The following FAT3 variants were observed in gnomAD, a reference collection of about 807,000 sequenced individuals.
FAT3 encodes protocadherin Fat 3.
A neutral mutation model predicts 310.2 loss-of-function variants in FAT3; 95 were observed. The observed-to-expected ratio is 0.31, with a 90% CI of 0.26 to 0.36. The LOEUF is 0.36. FAT3 is among the 10% of genes least tolerant of loss of function. The pLI, the probability that FAT3 is intolerant of heterozygous loss-of-function variation, is 1.00. For synonymous variants in FAT3, 2,314 were observed against 2,192.9 expected (o/e 1.06, Z -1.54); for missense variants, 5,408 against 5,715.6 (o/e 0.95, Z 1.74).
chr11:92,329,076 A>AGTGTGTAATC (rs1452247699), intron 1 of FAT3, among the ~76,000 whole-genome samples: 1 of 150,144 alleles, frequency 6.7e-6, no homozygotes, highest in Non-Finnish European at 1.5e-5. Context: ...TTTATTTTTG[A>AGTGTGTAATC]GTGTGTAATC....
chr11:92,293,275 C>T (rs140616372), intron 1 of FAT3, among the ~76,000 whole-genome samples: 3 of 151,546 alleles, frequency 2.0e-5, no homozygotes, highest in African/African-American at 7.2e-5. Flanking sequence ...ACTCCAAGTG[C>T]TACTCTCTTA....
At chr11:92,424,582 T>C (rs1309260893) in intron 2 of FAT3, among the ~76,000 whole-genome samples, 1 of 152,148 alleles carries the variant, frequency 6.6e-6, no homozygotes, top group East Asian at 1.9e-4. Flanking sequence ...AGTCTAGTAG[T>C]AGACTGCAAT....
intron 3 of FAT3, among the ~76,000 whole-genome samples, chr11:92,553,599 G>A (rs1478268490): frequency 6.6e-6 from 1 of 152,132 alleles, no homozygotes; most frequent in Non-Finnish European, 1.5e-5. Context: ...TTGGGCCCTT[G>A]GCCACACTGG....
chr11:92,840,875 G>A lies in FAT3; in HGVS notation c.10566+116G>A, dbSNP rs933940852. ...AGTCAACATAATTCATTACCATGCG[G>A]GAATGTTCCCCCTTTTAATCTCAAA... On this transcript the variant is annotated intron_variant, in intron 18 of 27. Coordinates refer to ENST00000525166, the MANE Select transcript of FAT3 (RefSeq NM_001367949.2). 11 of 974,990 alleles carry A rather than the reference G, an allele frequency of 1.1e-5. No homozygotes were observed. The Middle Eastern group carries it at 1.4e-3, about 126-fold the overall frequency. The allele number at this position is 974,990 out of a possible 1,614,324, so 60.4% of individuals were successfully genotyped here.
chr11:92,623,095 T>C (rs901081006), intron 3 of FAT3, among the ~76,000 whole-genome samples: 11 of 152,238 alleles, frequency 7.2e-5, no homozygotes, highest in South Asian at 2.1e-4. Flanking sequence ...CGTTCATCTC[T>C]GATGTTGTCT....
At chr11:92,833,807 A>G (rs1440203009) in intron 14 of FAT3, among the ~76,000 whole-genome samples, 1 of 152,182 alleles carries the variant, frequency 6.6e-6, no homozygotes, top group Non-Finnish European at 1.5e-5. Flanking sequence ...TATAAACACC[A>G]TGGGGAAATG....
In FAT3 at chr11:92,377,089, G is replaced by C. The variant is rs573432649; in HGVS notation, c.3292+21685G>C. The stretch of plus-strand genomic sequence containing the variant: ...AGGTATAAATTTTCAGACCTGTACA[G>C]TCTGTACGTGTAAGACTAGGAAGAA... On this transcript the variant is annotated intron_variant, in intron 2 of 27. Transcript: ENST00000525166. Among the ~76,000 whole-genome samples the C allele has an allele frequency of 6.6e-5, 10 of 152,304 alleles. No homozygotes were observed. In the East Asian group the frequency reaches 1.4e-3, roughly 21 times the overall value.
At chr11:92,622,514 G>C (rs888350181) in intron 3 of FAT3, among the ~76,000 whole-genome samples, 8 of 152,172 alleles carry the variant, frequency 5.3e-5, no homozygotes, top group African/African-American at 1.9e-4. Flanking sequence ...AGATTTGATT[G>C]TGAATCCATC....
At chr11:92,582,338 C>T (rs1938853692) in intron 3 of FAT3, among the ~76,000 whole-genome samples, 1 of 151,908 alleles carries the variant, frequency 6.6e-6, no homozygotes, top group African/African-American at 2.4e-5. Context: ...TTACCCAGCT[C>T]CTATTCAAGA....
At chr11:92,340,733 G>A (rs1345132691) in intron 1 of FAT3, among the ~76,000 whole-genome samples, 1 of 152,190 alleles carries the variant, frequency 6.6e-6, no homozygotes, top group Non-Finnish European at 1.5e-5. Context: ...GTAGTCCCAT[G>A]TGGTGATTGA....
At chr11:92,408,374 T>C (rs572239635) in intron 2 of FAT3, among the ~76,000 whole-genome samples, 2 of 152,270 alleles carry the variant, frequency 1.3e-5, no homozygotes, top group East Asian at 1.9e-4. Context: ...ATTTGGTCCA[T>C]AGCAGGGGGA....
intron 3 of FAT3, among the ~76,000 whole-genome samples, chr11:92,671,217 G>A (rs985821291): frequency 2.6e-5 from 4 of 151,718 alleles, no homozygotes; most frequent in Non-Finnish European, 4.4e-5. Context: ...GCTAATTTTC[G>A]TATTTTTAGT....
intron 4 of FAT3, among the ~76,000 whole-genome samples, chr11:92,754,909 G>C (rs888151161): frequency 6.6e-6 from 1 of 151,896 alleles, no homozygotes; most frequent in Admixed American, 6.6e-5. Context: ...TGTCATTTGT[G>C]ACAACATGGA....
chr11:92,884,356 G>A (rs541885877), intron 24 of FAT3, among the ~76,000 whole-genome samples: 136 of 152,328 alleles, frequency 8.9e-4, no homozygotes, highest in Non-Finnish European at 1.4e-3. Flanking sequence ...AGGGAAGAAA[G>A]CAGAGGGCCA....
intron 20 of FAT3, among the ~76,000 whole-genome samples, chr11:92,858,269 A>G (rs1949033058): frequency 6.6e-6 from 1 of 152,212 alleles, no homozygotes; most frequent in Non-Finnish European, 1.5e-5. Flanking sequence ...ATGCTTACCT[A>G]AGTCATGTAA....
intron 1 of FAT3, among the ~76,000 whole-genome samples, chr11:92,322,592 C>G (rs1026594861): frequency 6.6e-6 from 1 of 152,208 alleles, no homozygotes; most frequent in Admixed American, 6.5e-5. Context: ...CTCTCAAACT[C>G]TGCTGCTGCT....
intron 2 of FAT3, among the ~76,000 whole-genome samples, chr11:92,356,403 C>T (rs773742804): frequency 2.6e-5 from 4 of 152,090 alleles, no homozygotes; most frequent in Non-Finnish European, 5.9e-5. Context: ...GCTTTTTTCC[C>T]CTTAGTCAGC....
At chr11:92,675,844 GA>G (rs1565504682) in intron 3 of FAT3, among the ~76,000 whole-genome samples, 1 of 152,120 alleles carries the variant, frequency 6.6e-6, no homozygotes, top group African/African-American at 2.4e-5. Context: ...TTTTGCAGGA[GA>G]AAAAAATCAT....
intron 13 of FAT3, among the ~76,000 whole-genome samples, chr11:92,819,265 G>T (rs1334558296): frequency 6.6e-6 from 1 of 152,204 alleles, no homozygotes; most frequent in African/African-American, 2.4e-5. Flanking sequence ...TGGACCAACA[G>T]TCTCAGTATC....
Sources: gnomAD v4.1 joint callset for allele counts (sites outside exome capture counted in the v4.1 genomes callset) on GRCh38, gnomAD v4.1.1 for gene constraint, MANE v1.5 for transcripts, NCBI Gene and HGNC (gene_info 2026-07-23, HGNC 2026-07-21) for gene names.